Variants in SH3RF3 observed in about 807,000 individuals in gnomAD.
SH3RF3 encodes E3 ubiquitin-protein ligase SH3RF3.
A neutral mutation model predicts 66.3 loss-of-function variants in SH3RF3; 29 were observed. The observed-to-expected ratio is 0.44, with a 90% CI of 0.33 to 0.60. The LOEUF (loss-of-function observed/expected upper bound fraction) is 0.60, where lower values mean the gene tolerates loss of function less well. Among genes scored for constraint, SH3RF3 ranks in the 20% least tolerant of loss-of-function variants. The pLI, the probability that SH3RF3 is intolerant of heterozygous loss-of-function variation, is 0.04. For synonymous variants in SH3RF3, 583 were observed against 532.0 expected, an observed-to-expected ratio of 1.10 and a Z score of -1.32; for missense variants, 1,194 against 1,190.9, an observed-to-expected ratio of 1.00 and a Z score of -0.04.
intron 1 of SH3RF3, among the ~76,000 whole-genome samples, chr2:109,136,301 T>G (rs1364688255): frequency 1.3e-5 from 2 of 152,098 alleles, no homozygotes; most frequent in African/African-American, 4.8e-5. Context: ...GAGGCCAAGG[T>G]CAATTTTTAT....
intron 1 of SH3RF3, among the ~76,000 whole-genome samples, chr2:109,179,435 T>C (rs977851696): frequency 1.3e-5 from 2 of 152,182 alleles, no homozygotes; most frequent in African/African-American, 4.8e-5. Flanking sequence ...TGAGATCTCT[T>C]AACTGCTGCC....
chr2:109,151,718 T>C (rs993698870), intron 1 of SH3RF3, among the ~76,000 whole-genome samples: 6 of 152,220 alleles, frequency 3.9e-5, no homozygotes, highest in Non-Finnish European at 8.8e-5. Context: ...GTGGCTGCTG[T>C]ATGGAAAGGC....
chr2:109,403,371 C>G (rs1461438669), intron 4 of SH3RF3, among the ~76,000 whole-genome samples: 1 of 152,220 alleles, frequency 6.6e-6, no homozygotes, highest in Non-Finnish European at 1.5e-5. Flanking sequence ...GTGTGGCCCA[C>G]CTCACCCCAC....
chr2:109,209,390 G>C (rs147771570), intron 1 of SH3RF3, among the ~76,000 whole-genome samples: 4 of 152,292 alleles, frequency 2.6e-5, no homozygotes, highest in African/African-American at 9.6e-5. Flanking sequence ...CTGAGTGATA[G>C]TGTTTGTCCA....
chr2:109,494,688 G>C (rs141769091), intron 9 of SH3RF3, among the ~76,000 whole-genome samples: 9 of 152,322 alleles, frequency 5.9e-5, no homozygotes, highest in Non-Finnish European at 1.0e-4. Context: ...CTGTGATCAT[G>C]AAAGTGGGAA....
Position 109,449,159 on chromosome 2 carries a change from C to A in SH3RF3, c.1829-11C>A, listed in dbSNP as rs1412420985. On this transcript the variant is annotated splice_polypyrimidine_tract_variant and intron_variant, in intron 7 of 9. Transcript: ENST00000309415. ...CCTTTCAACCTGCTGTCTCTCCAAC[C>A]CCGTCTCCAGCTGCCCACTCTGCAG... is the stretch of plus-strand genomic sequence containing the variant. The A allele has an allele frequency of 1.2e-6, 2 of 1,611,946 alleles. No homozygotes were observed. The highest frequency in any genetic ancestry group is 1.7e-6 in the Non-Finnish European group (2 of 1,179,162).
intron 1 of SH3RF3, among the ~76,000 whole-genome samples, chr2:109,291,015 AG>A (rs1681155203): frequency 6.6e-6 from 1 of 152,258 alleles, no homozygotes; most frequent in African/African-American, 2.4e-5. Context: ...TGCCTGGAGC[AG>A]CACTGAGTCA....
At chr2:109,134,433 A>G (rs918909162) in intron 1 of SH3RF3, among the ~76,000 whole-genome samples, 2 of 152,220 alleles carry the variant, frequency 1.3e-5, no homozygotes, top group Non-Finnish European at 2.9e-5. Context: ...CCTGTTCAGA[A>G]GGCCCCTGAG....
intron 1 of SH3RF3, among the ~76,000 whole-genome samples, chr2:109,158,040 C>G (rs963608070): frequency 1.2e-4 from 18 of 152,210 alleles, no homozygotes; most frequent in Admixed American, 5.9e-4. Flanking sequence ...TTCAATTGCA[C>G]TGTGTCATCT....
intron 1 of SH3RF3, among the ~76,000 whole-genome samples, chr2:109,305,509 A>T (rs1430016662): frequency 6.6e-6 from 1 of 152,000 alleles, no homozygotes; most frequent in African/African-American, 2.4e-5. Flanking sequence ...TCTCCACCTT[A>T]CTTCCCACTC....
chr2:109,217,883 G>T (rs13428573), intron 1 of SH3RF3, among the ~76,000 whole-genome samples: 6,792 of 152,258 alleles, frequency 0.045, 495 homozygotes, highest in African/African-American at 0.15. Flanking sequence ...CTCTGTTGTG[G>T]CCTGGCACAA....
At chr2:109,189,812 A>G (rs938591322) in intron 1 of SH3RF3, among the ~76,000 whole-genome samples, 2 of 152,226 alleles carry the variant, frequency 1.3e-5, no homozygotes, top group Non-Finnish European at 2.9e-5. Context: ...ACTTCTCAAC[A>G]CTGGTCAGAG....
At chr2:109,334,538 G>C (rs1246362731) in intron 1 of SH3RF3, among the ~76,000 whole-genome samples, 1 of 152,132 alleles carries the variant, frequency 6.6e-6, no homozygotes, top group Non-Finnish European at 1.5e-5. Flanking sequence ...AGTGGTGCCA[G>C]CCAGCAGGGG....
intron 1 of SH3RF3, among the ~76,000 whole-genome samples, chr2:109,304,704 C>G (rs934596978): frequency 6.6e-6 from 1 of 152,214 alleles, no homozygotes; most frequent in Non-Finnish European, 1.5e-5. Flanking sequence ...CTATTCAGTG[C>G]TTGGTGCTAG....
At chr2:109,189,918 A>G (rs1051758679) in intron 1 of SH3RF3, among the ~76,000 whole-genome samples, 2 of 152,148 alleles carry the variant, frequency 1.3e-5, no homozygotes, top group South Asian at 2.1e-4. Flanking sequence ...TGATTGCCTA[A>G]TGGATGCCTC....
At chr2:109,375,370 T>C (rs1471137171) in intron 3 of SH3RF3, among the ~76,000 whole-genome samples, 1 of 152,216 alleles carries the variant, frequency 6.6e-6, no homozygotes, top group African/African-American at 2.4e-5. Flanking sequence ...TGACACCTGT[T>C]CATCAGATGC....
chr2:109,133,396 T>A (rs956133944), intron 1 of SH3RF3, among the ~76,000 whole-genome samples: 3 of 152,242 alleles, frequency 2.0e-5, no homozygotes, highest in Admixed American at 2.0e-4. Flanking sequence ...AGTTGGAGAA[T>A]CATAAAATTA....
chr2:109,370,572 T>C (rs1289901129), intron 2 of SH3RF3, among the ~76,000 whole-genome samples: 1 of 152,000 alleles, frequency 6.6e-6, no homozygotes, highest in Non-Finnish European at 1.5e-5. Flanking sequence ...ACAGCTGTTT[T>C]CTCCTTCCCC....
At chr2:109,487,212 C>T (rs1679003487) in intron 8 of SH3RF3, among the ~76,000 whole-genome samples, 1 of 152,204 alleles carries the variant, frequency 6.6e-6, no homozygotes, top group African/African-American at 2.4e-5. Flanking sequence ...CAGATCAGCC[C>T]TAAATTGTGT....
Sources: gnomAD v4.1 joint callset for allele counts (sites outside exome capture counted in the v4.1 genomes callset) on GRCh38, gnomAD v4.1.1 for gene constraint, MANE v1.5 for transcripts, NCBI Gene and HGNC (gene_info 2026-07-23, HGNC 2026-07-21) for gene names.